SNX12: variants seen among roughly 807,000 people sequenced by gnomAD.
SNX12 encodes the protein sorting nexin 12, also known as sorting nexin-12.
For missense variants in SNX12, 62 were observed against 141.3 expected (o/e 0.44, Z 2.84); for synonymous variants, 47 against 56.0 (o/e 0.84, Z 0.71).
intron 1 of SNX12, among the ~76,000 whole-genome samples, chrX:71,065,779 G>A (rs1398806905): frequency 2.8e-5 from 3 of 107,577 alleles, no homozygotes; most frequent in Non-Finnish European, 5.8e-5. Context: ...ACTCCAGCCT[G>A]GGCTACAAGA....
At chrX:71,070,845 T>A (rs1396042939), upstream of SNX12, among the ~76,000 whole-genome samples, 2 of 111,273 alleles carry the variant, frequency 1.8e-5, no homozygotes, top group African/African-American at 6.5e-5. Flanking sequence ...ATACTGGTTG[T>A]CTCTGGAGAG....
chrX:71,072,261 GAA>G (rs746700000), upstream of SNX12, among the ~76,000 whole-genome samples: 4 of 91,158 alleles, frequency 4.4e-5, no homozygotes, highest in Admixed American at 1.2e-4. Context: ...CCATCTTGGG[GAA>G]AAAAAAAAAA....
intron 1 of SNX12, 119 bp from the exon 2 acceptor site, chrX:71,063,068 T>C (rs1360144346): frequency 2.1e-6 from 1 of 479,580 alleles, no homozygotes; most frequent in Non-Finnish European, 3.6e-6. Context: ...CATGCTCCTA[T>C]AACCCCTTCA....
intron 1 of SNX12, among the ~76,000 whole-genome samples, chrX:71,066,613 A>G (rs2092154851): frequency 9.5e-6 from 1 of 105,692 alleles, no homozygotes; most frequent in African/African-American, 3.5e-5. Flanking sequence ...AAAAAAAAAA[A>G]GAATACCCTG....
At chrX:71,071,587 TA>T (rs1569477471), upstream of SNX12, among the ~76,000 whole-genome samples, 1 of 49,858 alleles carries the variant, frequency 2.0e-5, no homozygotes, top group Non-Finnish European at 2.8e-5. Flanking sequence ...TATATAAATA[TA>T]TAATATTTAT....
At chrX:71,072,470 G>A (rs2092176438), upstream of SNX12, among the ~76,000 whole-genome samples, 1 of 111,569 alleles carries the variant, frequency 9.0e-6, no homozygotes, top group African/African-American at 3.3e-5. Flanking sequence ...TTACTTAAAT[G>A]AGAACAGTTT....
rs183476850 is a variant in SNX12 at position 71,061,454 on chromosome X, T to A, written c.387-336A>T. 4.4e-5 allele frequency among the ~76,000 whole-genome samples: 5 copies of A among 112,501 alleles called. No individual in the cohort carries two copies. In the Admixed American group the frequency reaches 4.7e-4, roughly 11 times the overall value. On this transcript the variant is annotated intron_variant, in intron 3 of 3. Coordinates refer to ENST00000374274, the MANE Select transcript of SNX12 (RefSeq NM_013346.4). ...ATGGTACCCATTATAAAAGGTGAGC[T>A]GGGTGCGGTGGCTCACGCCTGTAAT...
chrX:71,063,707 G>GT (rs2092140934), intron 1 of SNX12, among the ~76,000 whole-genome samples: 1 of 110,019 alleles, frequency 9.1e-6, no homozygotes, highest in South Asian at 3.9e-4. Flanking sequence ...GAGCCCAGGA[G>GT]TTTGAGAGCA....
At chrX:71,071,597 A>ATAAATTATATATAAATATATAATAAT (rs2092173169), upstream of SNX12, among the ~76,000 whole-genome samples, 1 of 49,116 alleles carries the variant, frequency 2.0e-5, no homozygotes, top group African/African-American at 9.2e-5. Flanking sequence ...TATAATATTT[A>ATAAATTATATATAAATATATAATAAT]TATATATTAT....
chrX:71,071,718 ATATATATATAAATATATATT>A (rs1344010721), upstream of SNX12, among the ~76,000 whole-genome samples: 8 of 70,927 alleles, frequency 1.1e-4, no homozygotes, highest in Admixed American at 4.3e-4. Flanking sequence ...AGATATATAA[ATATATATATAAATATATATT>A]TATATATATA....
chrX:71,063,744 T>C (rs1371324309), intron 1 of SNX12, among the ~76,000 whole-genome samples: 1 of 109,096 alleles, frequency 9.2e-6, no homozygotes, highest in Non-Finnish European at 1.9e-5. Context: ...CAAGATTCCA[T>C]CTCTACAAAA....
upstream of SNX12, among the ~76,000 whole-genome samples, chrX:71,069,053 T>G (rs1034317747): frequency 8.9e-6 from 1 of 112,205 alleles, no homozygotes; most frequent in Non-Finnish European, 1.9e-5. Flanking sequence ...ACCTTCTATT[T>G]CTACTCCGCA....
chrX:71,073,067 C>CACACACAT (rs1556316171), upstream of SNX12, among the ~76,000 whole-genome samples: 1 of 101,710 alleles, frequency 9.8e-6, no homozygotes, highest in Non-Finnish European at 2.1e-5. Flanking sequence ...CACACACACA[C>CACACACAT]ACACACAAAG....
chrX:71,060,702 C>G lies in SNX12; in HGVS notation c.*314G>C, dbSNP rs1003922378. 13 of 280,869 alleles carry G rather than the reference C, an allele frequency of 4.6e-5. No individual in the cohort carries two copies. The highest frequency in any genetic ancestry group is 7.6e-5 in the Non-Finnish European group (12 of 158,654). The allele number at this position is 280,869 out of a possible 1,213,427, so 23.1% of individuals were successfully genotyped here. A position where few individuals can be genotyped will look rare whatever the true frequency, so the allele number is the denominator to read the frequency against. On this transcript the variant is annotated 3_prime_UTR_variant, in exon 4 of 4. Transcript: ENST00000374274. Reference sequence around the variant, plus strand: ...TATCCAAGTGCCTCACCAGCACAAGCGCCCCCCTCCCCCCAGGTTAGCCTT... The same window carrying G: ...TATCCAAGTGCCTCACCAGCACAAGGGCCCCCCTCCCCCCAGGTTAGCCTT...
chrX:71,061,834 T>A lies in SNX12; in HGVS notation c.386+9A>T. On this transcript the variant is annotated intron_variant, in intron 3 of 3. Transcript: ENST00000374274. ...AGTAGCAAGTGGAGCCCCCAGGAAC[T>A]TGGCTTACTTGTTAATAAACTGCTC... 5.0e-6 allele frequency: 6 copies of A among 1,204,767 alleles called. No homozygotes were observed. The highest frequency in any genetic ancestry group is 5.6e-6 in the Non-Finnish European group (5 of 891,912).
chrX:71,065,168 G>A (rs1355193583), intron 1 of SNX12, among the ~76,000 whole-genome samples: 2 of 109,746 alleles, frequency 1.8e-5, no homozygotes, highest in Non-Finnish European at 3.8e-5. Flanking sequence ...TCAGGAGTTC[G>A]AGACCAGCCT....
At chrX:71,069,987 CGAAA>C (rs1329807462), upstream of SNX12, among the ~76,000 whole-genome samples, 133 of 107,753 alleles carry the variant, frequency 1.2e-3, no homozygotes, top group African/African-American at 4.1e-3. Flanking sequence ...AGAGAGAGAG[CGAAA>C]GAAAGAAAGA....
chrX:71,067,278 T>G (rs1370451581), intron 1 of SNX12, among the ~76,000 whole-genome samples: 1 of 112,171 alleles, frequency 8.9e-6, no homozygotes, highest in Non-Finnish European at 1.9e-5. Flanking sequence ...TGTCATGTAT[T>G]AAAGTAACTA....
intron 3 of SNX12, 122 bp from the exon 4 acceptor site, chrX:71,061,240 C>T: frequency 9.5e-6 from 5 of 529,003 alleles, no homozygotes; most frequent in Non-Finnish European, 1.6e-5. Context: ...CAGTAGAGGA[C>T]AGCAGTAGGG....
Sources: allele counts gnomAD v4.1 joint callset (sites outside exome capture counted in the v4.1 genomes callset), GRCh38; gene constraint gnomAD v4.1.1; transcripts MANE v1.5; gene names NCBI Gene and HGNC (gene_info 2026-07-23, HGNC 2026-07-21).